Variants in GOLGA6L22 observed in about 807,000 individuals in gnomAD.
The protein encoded by GOLGA6L22 is golgin A6 family like 22, also known as golgin subfamily A member 6-like protein 22.
GOLGA6L22 carries 28 observed loss-of-function variants against 77.1 expected under a neutral mutation model. That is an observed-to-expected ratio of 0.36 (90% CI 0.27 to 0.50). The LOEUF is 0.50. Among genes scored for constraint, GOLGA6L22 ranks in the 20% least tolerant of loss-of-function variants. GOLGA6L22 has a pLI of 0.97. For missense variants in GOLGA6L22, 250 were observed against 620.4 expected, an observed-to-expected ratio of 0.40 and a Z score of 6.34; for synonymous variants, 62 against 185.3, an observed-to-expected ratio of 0.33 and a Z score of 5.41.
chr15:22,459,080 C>A (rs1484583712), upstream of GOLGA6L22: 1 of 97,302 alleles, frequency 1.0e-5, no homozygotes, highest in Non-Finnish European at 1.7e-5. Flanking sequence ...ACCTCCCTAC[C>A]CATCCCCACC....
Position 22,464,699 on chromosome 15 carries a change from A to G in GOLGA6L22, c.634-327A>G, listed in dbSNP as rs1197676891. Among the ~76,000 whole-genome samples the G allele has an allele frequency of 2.3e-5, 3 of 128,600 alleles. No individual in the cohort carries two copies. The East Asian group carries it at 6.3e-4, about 27-fold the overall frequency. 84.4% of individuals were successfully genotyped at this position (128,600 alleles called of 152,430 possible). A position where few individuals can be genotyped will look rare whatever the true frequency, so the allele number is the denominator to read the frequency against. ...AGTCTCACTCTGTCACCCAGGCCAGAGTGCAGTGGCGCAATCTCGGCTCAC... is the reference window on the plus strand; with the variant it reads ...AGTCTCACTCTGTCACCCAGGCCAGGGTGCAGTGGCGCAATCTCGGCTCAC... On this transcript the variant is annotated intron_variant, in intron 7 of 8. Transcript: ENST00000622895.
In GOLGA6L22 at chr15:22,466,774, G is replaced by A. The variant is rs1378922326; in HGVS notation, c.2382G>A (p.Trp794Ter). 1.7e-6 allele frequency: 1 copy of A among 579,098 alleles called. No homozygotes were observed. The highest frequency in any genetic ancestry group is 3.7e-5 in the African/African-American group (1 of 27,114). 35.9% of individuals were successfully genotyped at this position (579,098 alleles called of 1,614,324 possible). A position where few individuals can be genotyped will look rare whatever the true frequency, so the allele number is the denominator to read the frequency against. The change falls in exon 8 of 9, where the codon TGG becomes TGA. Residue 794 changes from tryptophan to a stop codon, truncating the protein, a stop_gained. Transcript: ENST00000622895. LOFTEE classifies it low-confidence loss of function (END_TRUNC). ...TGCGGAGGCAGGAGGAGAAGATGTG[G>A]GAGCAGGAAGTGAGGCTGCGGCAGC...
rs1471237157 is a variant in GOLGA6L22 at position 22,465,675 on chromosome 15, G to A, written c.1283G>A (p.Arg428Gln). The change falls in exon 8 of 9, where the codon CGG becomes CAG. Residue 428 changes from arginine (R) to glutamine (Q), a missense_variant. Physicochemically the swap from Arg to Gln is conservative, Grantham distance 43. Transcript: ENST00000622895. ...ATGCACGAGCAGGAGGAGAAGATACGGAAGCAGGAGGAGAAGGTGTGGAGG... is the reference window on the plus strand; with the variant it reads ...ATGCACGAGCAGGAGGAGAAGATACAGAAGCAGGAGGAGAAGGTGTGGAGG... 32 of 965,878 alleles carry A rather than the reference G, an allele frequency of 3.3e-5. 1 individual carries two copies. The highest frequency in any genetic ancestry group is 2.4e-4 in the African/African-American group (6 of 25,302). The allele number at this position is 965,878 out of a possible 1,614,324, so 59.8% of individuals were successfully genotyped here.
Position 22,461,973 on chromosome 15 carries a change from T to C in GOLGA6L22, c.181-61T>C. 2 of 1,432,164 alleles carry C rather than the reference T, an allele frequency of 1.4e-6. 1 individual carries two copies. The highest frequency in any genetic ancestry group is 1.9e-6 in the Non-Finnish European group (2 of 1,069,556). The allele number at this position is 1,432,164 out of a possible 1,614,324, so 88.7% of individuals were successfully genotyped here. A position where few individuals can be genotyped will look rare whatever the true frequency, so the allele number is the denominator to read the frequency against. Reference sequence around the variant, plus strand: ...GGACAGTGGTGCCATTCTGGGGGCATGTCTCTTGCTGTGGATCTCTGCCTA... The same window carrying C: ...GGACAGTGGTGCCATTCTGGGGGCACGTCTCTTGCTGTGGATCTCTGCCTA... On this transcript the variant is annotated intron_variant, in intron 2 of 8. Transcript: ENST00000622895.
At chr15:22,465,821 A>C in exon 8 of GOLGA6L22, 2 of 1,397,324 alleles carry the variant, frequency 1.4e-6, no homozygotes, top group Non-Finnish European at 1.9e-6. Flanking sequence ...GAAGATGTGG[A>C]GGCAGGAGGA....
intron 5 of GOLGA6L22, among the ~76,000 whole-genome samples, chr15:22,463,055 T>C (rs1220635574): frequency 7.4e-6 from 1 of 134,924 alleles, no homozygotes; most frequent in Non-Finnish European, 1.6e-5. Context: ...GCTTAGAGAA[T>C]CAGATATACC....
chr15:22,466,232 CAGG>C (rs1887711653), exon 8 of GOLGA6L22: 1 of 777,228 alleles, frequency 1.3e-6, no homozygotes, highest in African/African-American at 3.1e-5. Context: ...GATGCGGAGG[CAGG>C]AGGAGAAGAT....
chr15:22,466,530 A>G, exon 8 of GOLGA6L22: 1 of 1,326,128 alleles, frequency 7.5e-7, no homozygotes, highest in Non-Finnish European at 1.0e-6. Context: ...CAGGAACAGG[A>G]AGAGAAGATG....
intron 5 of GOLGA6L22, among the ~76,000 whole-genome samples, chr15:22,463,612 T>G (rs1411442045): frequency 4.6e-5 from 6 of 129,734 alleles, no homozygotes; most frequent in Non-Finnish European, 8.1e-5. Flanking sequence ...GATTGTGCCA[T>G]TGCACTCCAG....
rs1225485907 is a variant in GOLGA6L22, at chr15:22,464,389, CG to C, written c.633+23del. ...TGCCACAGGTGAGCAGCTGCAGCCC[CG>C]GGGGTTGTGGGAGACCCATCCAGCT... On this transcript the variant is annotated intron_variant, in intron 7 of 8. Coordinates refer to ENST00000622895, the Ensembl canonical transcript of GOLGA6L22. The C allele has an allele frequency of 4.3e-6, 2 of 465,396 alleles. 1 individual carries two copies. Among genetic ancestry groups the C allele is most frequent in the East Asian group, 7.0e-5 (2 of 28,644 alleles). 28.8% of individuals were successfully genotyped at this position (465,396 alleles called of 1,614,324 possible). A position where few individuals can be genotyped will look rare whatever the true frequency, so the allele number is the denominator to read the frequency against.
exon 8 of GOLGA6L22, chr15:22,465,743 CAGG>C: frequency 2.3e-6 from 3 of 1,298,160 alleles, no homozygotes; most frequent in Non-Finnish European, 2.0e-6. Context: ...GATACGGGAG[CAGG>C]AGGAGAAGGT....
chr15:22,466,500 G>A (rs1179682693), exon 8 of GOLGA6L22: 3 of 867,816 alleles, frequency 3.5e-6, no homozygotes, highest in East Asian at 2.7e-5. Context: ...GAGAAGATAC[G>A]AGAGCAGGAG....
At chr15:22,466,401 A>C in exon 8 of GOLGA6L22, 1 of 1,412,322 alleles carries the variant, frequency 7.1e-7, no homozygotes, top group Non-Finnish European at 9.5e-7. Context: ...ATTTGGGAGC[A>C]GGAAGAGAAG....
chr15:22,463,269 C>A (rs1181137711), intron 5 of GOLGA6L22, among the ~76,000 whole-genome samples: 2 of 149,700 alleles, frequency 1.3e-5, no homozygotes, highest in Admixed American at 6.7e-5. Flanking sequence ...ATAGCAATAA[C>A]AATATTATCT....
chr15:22,463,066 T>C (rs1887570303), intron 5 of GOLGA6L22, among the ~76,000 whole-genome samples: 2 of 134,656 alleles, frequency 1.5e-5, no homozygotes, highest in African/African-American at 3.1e-5. Context: ...CAGATATACC[T>C]GGGTGTTGAA....
At chr15:22,466,001 AGGCAGGAGGAGAAGATACGGG>A (rs1887695173) in exon 8 of GOLGA6L22, 1 of 717,862 alleles carries the variant, frequency 1.4e-6, no homozygotes, top group African/African-American at 4.6e-5. Context: ...GAAGGTGTGG[AGGCAGGAGGAGAAGATACGGG>A]AGCAGGAGGA....
chr15:22,466,586 A>G (rs1157430526), exon 8 of GOLGA6L22: 8 of 1,025,800 alleles, frequency 7.8e-6, no homozygotes, highest in African/African-American at 2.4e-5. Context: ...GAAGATGCGG[A>G]GGCAGGAGGA....
At chr15:22,468,932 T>G (rs1273240592) in exon 9 of GOLGA6L22, 7 of 118,430 alleles carry the variant, frequency 5.9e-5, no homozygotes, top group Admixed American at 4.3e-4. Flanking sequence ...TTTAACTCAT[T>G]TAACATTACT....
At chr15:22,465,580 G>A in exon 8 of GOLGA6L22, 3 of 517,116 alleles carry the variant, frequency 5.8e-6, no homozygotes, top group Non-Finnish European at 9.7e-6. Flanking sequence ...AGAGGCAGGA[G>A]CAGGAGGAGA....
Sources: allele counts gnomAD v4.1 joint callset (sites outside exome capture counted in the v4.1 genomes callset), GRCh38; gene constraint gnomAD v4.1.1; transcripts MANE v1.5; gene names NCBI Gene and HGNC (gene_info 2026-07-23, HGNC 2026-07-21).